PPARGC1B: variants seen among roughly 807,000 people sequenced by gnomAD.
PPARGC1B encodes PPARG coactivator 1 beta.
A neutral mutation model predicts 101.6 loss-of-function variants in PPARGC1B; 34 were observed. That is an observed-to-expected ratio of 0.33 (90% CI 0.25 to 0.45). The LOEUF (loss-of-function observed/expected upper bound fraction) is 0.45, where lower values mean the gene tolerates loss of function less well. Ranked by LOEUF, PPARGC1B falls within the 20% of genes least tolerant of loss-of-function variation. The probability of loss-of-function intolerance (pLI) is 1.00; values close to 1 mark genes in which losing one functional copy is unlikely to be tolerated. For missense variants in PPARGC1B, 1,234 were observed against 1,317.6 expected (o/e 0.94, Z 0.98); for synonymous variants, 548 against 539.3 (o/e 1.02, Z -0.22).
chr5:149,840,261 C>G, intron 9 of PPARGC1B, 145 bp downstream of exon 9: 1 of 678,198 alleles, frequency 1.5e-6, no homozygotes, highest in Non-Finnish European at 2.5e-6. Flanking sequence ...ACTATGGCAA[C>G]AGCAGACAAT....
At chr5:149,822,744 A>G (rs1471919138) in intron 2 of PPARGC1B, among the ~76,000 whole-genome samples, 1 of 152,228 alleles carries the variant, frequency 6.6e-6, no homozygotes, top group African/African-American at 2.4e-5. Context: ...CTTGGGGACA[A>G]ACAACACTTT....
intron 1 of PPARGC1B, among the ~76,000 whole-genome samples, chr5:149,816,460 T>G (rs977777705): frequency 2.0e-5 from 3 of 152,222 alleles, no homozygotes; most frequent in Non-Finnish European, 4.4e-5. Flanking sequence ...CTTAAGCTAG[T>G]TCTATGAAGT....
intron 1 of PPARGC1B, among the ~76,000 whole-genome samples, chr5:149,788,993 G>A (rs1386441024): frequency 2.0e-5 from 3 of 152,074 alleles, no homozygotes; most frequent in African/African-American, 7.2e-5. Context: ...AGTTAATGGG[G>A]GGTGCAGCAC....
chr5:149,784,902 C>T (rs1017387379), intron 1 of PPARGC1B, among the ~76,000 whole-genome samples: 1 of 152,178 alleles, frequency 6.6e-6, no homozygotes, highest in Non-Finnish European at 1.5e-5. Flanking sequence ...CTTCTTGGGT[C>T]CTAATCTCCT....
intron 3 of PPARGC1B, among the ~76,000 whole-genome samples, chr5:149,828,215 G>C (rs372621088): frequency 6.6e-6 from 1 of 152,172 alleles, no homozygotes; most frequent in East Asian, 1.9e-4. Flanking sequence ...ACCATGCCAG[G>C]CACAGAATAT....
intron 1 of PPARGC1B, among the ~76,000 whole-genome samples, chr5:149,739,139 A>C (rs1754826238): frequency 6.6e-6 from 1 of 152,214 alleles, no homozygotes. Flanking sequence ...GAAAATGTCA[A>C]CTCATACAGA....
At chr5:149,805,543 G>A (rs750184902) in intron 1 of PPARGC1B, among the ~76,000 whole-genome samples, 18 of 152,128 alleles carry the variant, frequency 1.2e-4, no homozygotes, top group Admixed American at 2.6e-4. Flanking sequence ...GGGTTCAAGC[G>A]ATTCACCTGC....
At chr5:149,847,116 T>C in intron 11 of PPARGC1B, 1 of 400,232 alleles carries the variant, frequency 2.5e-6, no homozygotes, top group Non-Finnish European at 4.7e-6. Flanking sequence ...TTGTTAGCCC[T>C]CCCTTATGTG....
chr5:149,756,655 C>T (rs1755531180), intron 1 of PPARGC1B, among the ~76,000 whole-genome samples: 1 of 152,122 alleles, frequency 6.6e-6, no homozygotes, highest in African/African-American at 2.4e-5. Context: ...CAGAGCTTCC[C>T]TAAGGAGATT....
At chr5:149,791,289 C>T (rs1757008633) in intron 1 of PPARGC1B, among the ~76,000 whole-genome samples, 1 of 112,046 alleles carries the variant, frequency 8.9e-6, no homozygotes, top group Non-Finnish European at 1.9e-5. Context: ...GAGACTCCAT[C>T]TCAAAAAAAA....
chr5:149,843,263 C>T (rs922737366), intron 10 of PPARGC1B, among the ~76,000 whole-genome samples: 6 of 152,160 alleles, frequency 3.9e-5, no homozygotes, highest in African/African-American at 1.4e-4. Flanking sequence ...GCAAAAAGAA[C>T]AGGTTTCATA....
In PPARGC1B at chr5:149,847,828, C is replaced by G. The variant is rs1266004914; in HGVS notation, c.*270C>G. ...CCAACGGGTTGTCCCGGGTGCACCTCGAAGTGCCGGGTCCGTCACCCATCG... is the reference window on the plus strand; with the variant it reads ...CCAACGGGTTGTCCCGGGTGCACCTGGAAGTGCCGGGTCCGTCACCCATCG... On this transcript the variant is annotated 3_prime_UTR_variant, in exon 12 of 12. Coordinates refer to ENST00000309241, the MANE Select transcript of PPARGC1B (RefSeq NM_133263.4). 9 of 466,610 alleles carry G rather than the reference C, an allele frequency of 1.9e-5. No homozygotes were observed. In the East Asian group the frequency reaches 3.2e-4, roughly 17 times the overall value. 28.9% of individuals were successfully genotyped at this position (466,610 alleles called of 1,614,324 possible).
chr5:149,764,155 C>A (rs1476884922), intron 1 of PPARGC1B, among the ~76,000 whole-genome samples: 1 of 149,234 alleles, frequency 6.7e-6, no homozygotes, highest in African/African-American at 2.4e-5. Flanking sequence ...CTTCTGCATT[C>A]TTTATATAGA....
intron 3 of PPARGC1B, among the ~76,000 whole-genome samples, chr5:149,829,815 C>A (rs931993742): frequency 2.0e-5 from 3 of 151,706 alleles, no homozygotes; most frequent in Non-Finnish European, 4.4e-5. Flanking sequence ...GCGGGCAGAT[C>A]GCTTAAGGTC....
Position 149,833,684 on chromosome 5 carries a change from A to G in PPARGC1B, c.1611A>G (p.Leu537=), listed in dbSNP as rs560114805. 3 of 1,609,350 alleles carry G rather than the reference A, an allele frequency of 1.9e-6. No homozygotes were observed. The highest frequency in any genetic ancestry group is 3.3e-4 in the Middle Eastern group (2 of 6,060). The change falls in exon 5 of 12, where the codon CTA becomes CTG. Residue 537 remains leucine (L), a synonymous_variant. Transcript: ENST00000309241. This position sits in a 1 kb window ranked among gnomAD's most constrained non-coding sequence, Gnocchi z 4.1. The stretch of plus-strand genomic sequence containing the variant: ...ACAGTGGCCAAGACCAGCAGCTCCT[A>G]CGGGGACCCCAGATCCCTGCCCTGG... ...DEDSGQDQQL[L]RGPQIPALES...
intron 1 of PPARGC1B, among the ~76,000 whole-genome samples, chr5:149,779,651 G>A (rs1052050571): frequency 5.2e-4 from 79 of 152,330 alleles, no homozygotes; most frequent in African/African-American, 1.8e-3. Flanking sequence ...GGGGGCAACA[G>A]GGAAGCCTGT....
intron 1 of PPARGC1B, among the ~76,000 whole-genome samples, chr5:149,814,673 C>T (rs1757988238): frequency 6.6e-6 from 1 of 152,228 alleles, no homozygotes; most frequent in African/African-American, 2.4e-5. Context: ...GAAAGTAGAG[C>T]CACCAATTTT....
rs1173056035 is a variant in PPARGC1B, at chr5:149,833,943, G to A, written c.1705+165G>A. Among the ~76,000 whole-genome samples the A allele has an allele frequency of 6.6e-6, 1 of 152,240 alleles. No individual in the cohort carries two copies. The highest frequency in any genetic ancestry group is 2.1e-4 in the South Asian group (1 of 4,832). On this transcript the variant is annotated intron_variant, in intron 5 of 11. Coordinates refer to ENST00000309241, the MANE Select transcript of PPARGC1B (RefSeq NM_133263.4). The surrounding 1 kb of genome is among the most constrained non-coding windows in gnomAD (Gnocchi z 4.1). Reference sequence around the variant, plus strand: ...TCCCTGGCTTTCAGCTTTTCTTTGGGCTAGTTGGAGCAGATCTTCAGAAGA... The same window carrying A: ...TCCCTGGCTTTCAGCTTTTCTTTGGACTAGTTGGAGCAGATCTTCAGAAGA...
chr5:149,816,143 A>T (rs956163964), intron 1 of PPARGC1B, among the ~76,000 whole-genome samples: 1 of 152,242 alleles, frequency 6.6e-6, no homozygotes, highest in Non-Finnish European at 1.5e-5. Flanking sequence ...AGATGGCCAG[A>T]GAAATCACTA....
Sources: allele counts gnomAD v4.1 joint callset (sites outside exome capture counted in the v4.1 genomes callset), GRCh38; gene constraint gnomAD v4.1.1; non-coding constraint Gnocchi (gnomAD v3.1); transcripts MANE v1.5; gene names NCBI Gene and HGNC (gene_info 2026-07-23, HGNC 2026-07-21).